The following FRMPD4 variants were observed in gnomAD, a reference collection of about 807,000 sequenced individuals.
FRMPD4 encodes FERM and PDZ domain containing 4.
FRMPD4 carries 22 observed loss-of-function variants against 94.1 expected under a neutral mutation model. The ratio of observed to expected loss-of-function variants is 0.23; its 90% CI spans 0.17 to 0.33. The LOEUF is 0.33. FRMPD4 is among the 10% of genes least tolerant of loss of function. FRMPD4 has a pLI of 1.00. For synonymous variants in FRMPD4, 631 were observed against 548.6 expected (o/e 1.15, Z -2.10); for missense variants, 1,111 against 1,339.9 (o/e 0.83, Z 2.67).
At chrX:12,655,972 A>T (rs1172958491) in intron 4 of FRMPD4, among the ~76,000 whole-genome samples, 4 of 112,335 alleles carry the variant, frequency 3.6e-5, no homozygotes, top group African/African-American at 1.3e-4. Context: ...CTCAACTGAC[A>T]AAGCTTTAAC....
Position 11,957,926 on chromosome X carries a change from T to A in FRMPD4, c.95+79908T>A, listed in dbSNP as rs2054265212. On this transcript the variant is annotated intron_variant, in intron 3 of 18. Coordinates refer to the FRMPD4 transcript ENST00000640291. ...ATTGTAGAACTGATTTCTCCTGGCCTTGGGATAATTTTCTTCTCTCCTTTT... is the reference window on the plus strand; with the variant it reads ...ATTGTAGAACTGATTTCTCCTGGCCATGGGATAATTTTCTTCTCTCCTTTT... Among the ~76,000 whole-genome samples the A allele has an allele frequency of 2.7e-5, 3 of 112,288 alleles. No individual in the cohort carries two copies. In the South Asian group the frequency reaches 1.1e-3, roughly 41 times the overall value.
intron 3 of FRMPD4, among the ~76,000 whole-genome samples, chrX:12,095,726 G>A (rs1319563940): frequency 8.9e-6 from 1 of 112,297 alleles, no homozygotes; most frequent in East Asian, 2.8e-4. Flanking sequence ...CACACAGAAA[G>A]TCTGCCTCCT....
At chrX:12,132,521 G>A in intron 3 of FRMPD4, among the ~76,000 whole-genome samples, 1 of 111,717 alleles carries the variant, frequency 9.0e-6, no homozygotes, top group Admixed American at 9.5e-5. Flanking sequence ...TAGGAAGTAA[G>A]CATAGATACT....
chrX:12,208,355 T>G (rs1268439769), intron 1 of FRMPD4, among the ~76,000 whole-genome samples: 1 of 110,621 alleles, frequency 9.0e-6, no homozygotes, highest in East Asian at 2.8e-4. Flanking sequence ...CAGATTTTGG[T>G]ATTAGCAGAT....
At chrX:12,072,601 A>G (rs2054978932) in intron 3 of FRMPD4, among the ~76,000 whole-genome samples, 1 of 111,897 alleles carries the variant, frequency 8.9e-6, no homozygotes, top group Non-Finnish European at 1.9e-5. Flanking sequence ...ACATAATTCA[A>G]AGGGCATTTG....
chrX:12,245,533 T>TTTC (rs1491170928), intron 1 of FRMPD4, among the ~76,000 whole-genome samples: 1 of 89,763 alleles, frequency 1.1e-5, no homozygotes, highest in Non-Finnish European at 2.2e-5. Context: ...TTTTTTTTTT[T>TTTC]CAAGGAGTTC....
chrX:12,645,756 C>T (rs1307501275), intron 4 of FRMPD4, among the ~76,000 whole-genome samples: 1 of 111,403 alleles, frequency 9.0e-6, no homozygotes, highest in Non-Finnish European at 1.9e-5. Context: ...ATTAATCTTC[C>T]TCGGACATTA....
At chrX:12,597,317 C>T (rs775796125) in intron 2 of FRMPD4, among the ~76,000 whole-genome samples, 5 of 112,145 alleles carry the variant, frequency 4.5e-5, no homozygotes, top group East Asian at 2.8e-4. Flanking sequence ...TCGTCTTTAA[C>T]GAGGACAAAA....
At chrX:12,045,163 T>C (rs1384221685) in intron 3 of FRMPD4, among the ~76,000 whole-genome samples, 1 of 112,281 alleles carries the variant, frequency 8.9e-6, no homozygotes, top group Non-Finnish European at 1.9e-5. Flanking sequence ...TTCATTTACA[T>C]ATTGTCCGTG....
At chrX:12,536,680 T>C (rs919914485) in intron 2 of FRMPD4, among the ~76,000 whole-genome samples, 5 of 111,965 alleles carry the variant, frequency 4.5e-5, no homozygotes, top group African/African-American at 1.6e-4. Flanking sequence ...AAAGAAGGAT[T>C]GTTTAGTAGG....
At chrX:12,410,006 A>G (rs1255021367) in intron 1 of FRMPD4, among the ~76,000 whole-genome samples, 12 of 111,972 alleles carry the variant, frequency 1.1e-4, no homozygotes. Flanking sequence ...TTTTAGGAAA[A>G]CAGGGTTTTA....
chrX:12,178,858 A>G (rs1220776970), intron 1 of FRMPD4, among the ~76,000 whole-genome samples: 2 of 112,055 alleles, frequency 1.8e-5, no homozygotes, highest in Non-Finnish European at 3.8e-5. Context: ...AAAGTTTGAC[A>G]TGCTTCTGAG....
intron 1 of FRMPD4, among the ~76,000 whole-genome samples, chrX:12,332,069 T>A (rs1165370098): frequency 1.7e-5 from 1 of 59,098 alleles, no homozygotes; most frequent in African/African-American, 6.8e-5. Flanking sequence ...TAATATATAA[T>A]TTATATTATA....
At chrX:12,672,970 T>G (rs893303024) in intron 4 of FRMPD4, among the ~76,000 whole-genome samples, 2 of 112,124 alleles carry the variant, frequency 1.8e-5, no homozygotes, top group Admixed American at 1.9e-4. Flanking sequence ...ACCAGGACTG[T>G]TCAGGGGATT....
intron 3 of FRMPD4, among the ~76,000 whole-genome samples, chrX:12,054,197 C>T (rs180958579): frequency 5.4e-5 from 6 of 111,133 alleles, no homozygotes; most frequent in Admixed American, 2.9e-4. Context: ...TCTACTTCTG[C>T]AGTTTTCTTA....
At chrX:12,121,788 C>T (rs375523782) in intron 3 of FRMPD4, among the ~76,000 whole-genome samples, 2 of 111,882 alleles carry the variant, frequency 1.8e-5, no homozygotes, top group Non-Finnish European at 3.8e-5. Flanking sequence ...GGTTACTCAT[C>T]TCTGGGTCAT....
At chrX:12,533,281 C>T (rs2058304079) in intron 2 of FRMPD4, among the ~76,000 whole-genome samples, 1 of 112,330 alleles carries the variant, frequency 8.9e-6, no homozygotes, top group Admixed American at 9.4e-5. Flanking sequence ...GATCATGAGG[C>T]CTCCGCAACC....
At chrX:11,903,906 A>C (rs1181901820) in intron 3 of FRMPD4, among the ~76,000 whole-genome samples, 1 of 111,149 alleles carries the variant, frequency 9.0e-6, no homozygotes, top group Non-Finnish European at 1.9e-5. Flanking sequence ...CAACCTCCAG[A>C]GTAGCTGGGA....
chrX:12,192,747 C>A (rs2056505983), intron 1 of FRMPD4, among the ~76,000 whole-genome samples: 1 of 111,398 alleles, frequency 9.0e-6, no homozygotes, highest in Non-Finnish European at 1.9e-5. Context: ...AATTAGTGAG[C>A]CCCACCCCAG....
Sources: allele counts gnomAD v4.1 joint callset (sites outside exome capture counted in the v4.1 genomes callset), GRCh38; gene constraint gnomAD v4.1.1; transcripts MANE v1.5; gene names NCBI Gene and HGNC (gene_info 2026-07-23, HGNC 2026-07-21).